Variants in NCOA6 observed in about 807,000 individuals in gnomAD.
NCOA6 encodes the protein NRC RAP250.
A neutral mutation model predicts 171.4 loss-of-function variants in NCOA6; 49 were observed. The ratio of observed to expected loss-of-function variants is 0.29; its 90% CI spans 0.23 to 0.36. NCOA6 has a LOEUF of 0.36. NCOA6 is among the 10% of genes least tolerant of loss of function. NCOA6 has a pLI of 1.00. For synonymous variants in NCOA6, 910 were observed against 927.5 expected, an observed-to-expected ratio of 0.98 and a Z score of 0.34; for missense variants, 2,248 against 2,554.5, an observed-to-expected ratio of 0.88 and a Z score of 2.59.
chr20:34,747,337 A>G (rs1038872539), intron 9 of NCOA6, among the ~76,000 whole-genome samples: 8 of 152,314 alleles, frequency 5.3e-5, no homozygotes, highest in Non-Finnish European at 1.2e-4. Flanking sequence ...TTGTGGATAT[A>G]ACAGTGGGGG....
intron 8 of NCOA6, among the ~76,000 whole-genome samples, chr20:34,753,437 G>A (rs1350389757): frequency 6.6e-6 from 1 of 151,798 alleles, no homozygotes; most frequent in Non-Finnish European, 1.5e-5. Context: ...CAAGGCAGGT[G>A]GATCATGAGG....
In NCOA6 at chr20:34,749,869, T is replaced by C. The variant is rs2076415611; in HGVS notation, c.2326A>G (p.Ser776Gly). 6.2e-7 allele frequency: 1 copy of C among 1,614,138 alleles called. No individual in the cohort carries two copies. Among genetic ancestry groups the C allele is most frequent in the Non-Finnish European group, 8.5e-7 (1 of 1,180,052 alleles). The change falls in exon 9 of 15, where the codon AGT (serine) becomes GGT (glycine). Residue 776 changes from serine to glycine, a missense_variant. By Grantham distance (56) the Ser-to-Gly change is moderately conservative. Transcript: ENST00000359003. ...MLPQQGPVNN[S>G]PSQVMGIQGQ... The stretch of plus-strand genomic sequence containing the variant: ...TGAATGCCCATAACCTGAGATGGAC[T>C]GTTGTTCACAGGCCCTTGCTGGGGC...
At chr20:34,728,419 C>A (rs1189047493) in intron 13 of NCOA6, among the ~76,000 whole-genome samples, 1 of 152,108 alleles carries the variant, frequency 6.6e-6, no homozygotes, top group Non-Finnish European at 1.5e-5. Context: ...TAAAAGGAGG[C>A]AATTTTGCTT....
chr20:34,808,004 G>A (rs1027904049), intron 1 of NCOA6, among the ~76,000 whole-genome samples: 1 of 151,640 alleles, frequency 6.6e-6, no homozygotes, highest in African/African-American at 2.4e-5. Context: ...ACAAAAATTA[G>A]CTGGGTGTGG....
intron 1 of NCOA6, among the ~76,000 whole-genome samples, chr20:34,822,540 G>A (rs150858547): frequency 9.2e-5 from 14 of 152,198 alleles, no homozygotes; most frequent in African/African-American, 2.2e-4. Flanking sequence ...TCCTTATAGC[G>A]TTTAATAACT....
intron 1 of NCOA6, among the ~76,000 whole-genome samples, chr20:34,813,296 T>C (rs2078729770): frequency 6.6e-6 from 1 of 151,440 alleles, no homozygotes; most frequent in Non-Finnish European, 1.5e-5. Flanking sequence ...TGAAACCCTG[T>C]CTCTACTGAA....
chr20:34,757,948 T>C lies in NCOA6; in HGVS notation c.800A>G (p.Gln267Arg), dbSNP rs774202183. The change falls in exon 7 of 15, where the codon CAA (glutamine) becomes CGA (arginine). Residue 267 changes from glutamine (Q) to arginine (R), a missense_variant. Gln to Arg is a conservative substitution (Grantham distance 43). This residue lies in a region of NCOA6 where 987 missense variants were observed against 1,104.7 expected (regional missense o/e 0.89). Coordinates refer to ENST00000359003, the MANE Select transcript of NCOA6 (RefSeq NM_014071.5). ...FPQLQQQQQQ[Q>R]QQQQQQQQQQ... is the part of the protein sequence containing the mutation. The stretch of plus-strand genomic sequence containing the variant: ...CTGCTGCTGCTGCTGCTGCTGTTGT[T>C]GTTGTTGCTGCTGCTGCTGCAGCTG... 1.7e-4 allele frequency: 275 copies of C among 1,613,884 alleles called. No individual in the cohort carries two copies. The highest frequency in any genetic ancestry group is 2.3e-4 in the Non-Finnish European group (269 of 1,179,966).
chr20:34,791,822 A>C (rs191603173), intron 2 of NCOA6, among the ~76,000 whole-genome samples: 57 of 152,306 alleles, frequency 3.7e-4, no homozygotes, highest in Non-Finnish European at 6.3e-4. Flanking sequence ...CAAAAGAAGA[A>C]GGAGAGAGGG....
At chr20:34,765,435 G>A (rs1299781589) in intron 5 of NCOA6, among the ~76,000 whole-genome samples, 14 of 114,528 alleles carry the variant, frequency 1.2e-4, no homozygotes, top group African/African-American at 4.4e-4. Context: ...GCGAGAGTCC[G>A]TCTCAAAAAA....
Position 34,757,609 on chromosome 20 carries a change from C to G in NCOA6, c.1139G>C (p.Ser380Thr). ...SHPPPPYPFG[S>T]QQASQAHTNF... ...TGTGTGGGCTTGTGAGGCTTGCTGG[C>G]TGCCAAAGGGATATGGAGGGGGAGG... The change falls in exon 7 of 15, where the codon AGC (serine) becomes ACC (threonine). Residue 380 changes from serine (S) to threonine (T), a missense_variant. By Grantham distance (58) the Ser-to-Thr change is moderately conservative (BLOSUM62 1). Around this residue, in one of 7 missense-constraint regions of NCOA6, gnomAD observed 987 missense variants for 1,104.7 expected, o/e 0.89. Transcript: ENST00000359003. 6.2e-7 allele frequency: 1 copy of G among 1,613,774 alleles called. No individual in the cohort carries two copies. The highest frequency in any genetic ancestry group is 1.7e-4 in the Middle Eastern group (1 of 6,060).
chr20:34,738,894 G>T, intron 11 of NCOA6: 1 of 456,026 alleles, frequency 2.2e-6, no homozygotes, highest in Non-Finnish European at 4.4e-6. Context: ...CTCCTCCTGG[G>T]TGCTTACCAC....
chr20:34,822,839 T>TTAC (rs930315950), intron 1 of NCOA6, among the ~76,000 whole-genome samples: 4 of 152,168 alleles, frequency 2.6e-5, no homozygotes, highest in African/African-American at 7.2e-5. Flanking sequence ...AAAATCTCTT[T>TTAC]TACTAACTTT....
intron 1 of NCOA6, among the ~76,000 whole-genome samples, chr20:34,800,989 T>G (rs2078237897): frequency 6.6e-6 from 1 of 152,148 alleles, no homozygotes; most frequent in African/African-American, 2.4e-5. Context: ...AAAATTTTTT[T>G]TAATTGAAAT....
rs1449554938 is a variant in NCOA6, at chr20:34,757,826, C to T, written c.922G>A (p.Ala308Thr). 1.2e-6 allele frequency: 2 copies of T among 1,613,918 alleles called. No homozygotes were observed. The highest frequency in any genetic ancestry group is 1.7e-6 in the Non-Finnish European group (2 of 1,180,024). Residue 308 changes from alanine to threonine, a missense_variant, in exon 7 of 15, where the codon GCC (alanine) becomes ACC (threonine). Coordinates refer to ENST00000359003, the MANE Select transcript of NCOA6 (RefSeq NM_014071.5). ...GGAGGAACAGGCACCTGAGTTGGGG[C>T]AGTAAACTGGGGTCGAATTCCCTGT... ...QPQGIRPQFT[A>T]PTQVPVPPGW... is the part of the protein sequence containing the mutation.
At position 34,742,760 on chromosome 20, in the gene NCOA6, G is replaced by T. The variant is rs1341452660; in HGVS notation, c.3496C>A (p.Pro1166Thr). ...GAAAGGGGCGATGGTCCAGGTTTTG[G>T]CCCTGTCATCATTAACTGATTCTGG... is the stretch of plus-strand genomic sequence containing the variant. ...LPQNQLMMTG[P>T]KPGPSPLSAT... The change falls in exon 11 of 15, where the codon CCA becomes ACA. Residue 1166 changes from proline (P) to threonine (T), a missense_variant. Pro to Thr is a conservative substitution (Grantham distance 38). This residue lies in a region of NCOA6 where 352 missense variants were observed against 419.1 expected (regional missense o/e 0.84). Coordinates refer to ENST00000359003, the MANE Select transcript of NCOA6 (RefSeq NM_014071.5). 6.2e-7 allele frequency: 1 copy of T among 1,614,112 alleles called. No homozygotes were observed. Among genetic ancestry groups the T allele is most frequent in the Admixed American group, 1.7e-5 (1 of 60,024 alleles).
At chr20:34,796,305 C>T (rs2078071765) in intron 1 of NCOA6, among the ~76,000 whole-genome samples, 1 of 151,746 alleles carries the variant, frequency 6.6e-6, no homozygotes, top group African/African-American at 2.4e-5. Flanking sequence ...CCACCGCACC[C>T]GACCTGAAAT....
intron 4 of NCOA6, among the ~76,000 whole-genome samples, chr20:34,773,325 T>C (rs1324069240): frequency 6.6e-6 from 1 of 152,136 alleles, no homozygotes; most frequent in Non-Finnish European, 1.5e-5. Flanking sequence ...TTTCCCCAAT[T>C]CCCTGGCCAA....
At chr20:34,778,841 C>T (rs1332652999) in intron 3 of NCOA6, among the ~76,000 whole-genome samples, 1 of 151,536 alleles carries the variant, frequency 6.6e-6, no homozygotes, top group East Asian at 2.0e-4. Context: ...CGCCTGTAGT[C>T]CCAGCTACTT....
intron 1 of NCOA6, among the ~76,000 whole-genome samples, chr20:34,802,921 C>T (rs1020567395): frequency 6.6e-6 from 1 of 152,088 alleles, no homozygotes; most frequent in African/African-American, 2.4e-5. Context: ...ACTTCAGCCT[C>T]CCGAGTAGAT....
Sources: allele counts gnomAD v4.1 joint callset (sites outside exome capture counted in the v4.1 genomes callset), GRCh38; gene constraint gnomAD v4.1.1; regional missense constraint gnomAD v4.1.1; transcripts MANE v1.5; gene names NCBI Gene and HGNC (gene_info 2026-07-23, HGNC 2026-07-21).